Variants in NEDD4L observed in about 807,000 individuals in gnomAD.
NEDD4L encodes E3 ubiquitin-protein ligase NEDD4-like.
In NEDD4L, 54 loss-of-function variants were observed where a neutral mutation model predicts 148.9. The ratio of observed to expected loss-of-function variants is 0.36; its 90% CI spans 0.29 to 0.45. The LOEUF (loss-of-function observed/expected upper bound fraction) is 0.45. NEDD4L is among the 20% of genes least tolerant of loss of function. The pLI, the probability that NEDD4L is intolerant of heterozygous loss-of-function variation, is 1.00. For missense variants in NEDD4L, 856 were observed against 1,233.8 expected (o/e 0.69, Z 4.59); for synonymous variants, 433 against 440.7 (o/e 0.98, Z 0.22).
chr18:58,311,528 T>C (rs1189663774), intron 5 of NEDD4L, among the ~76,000 whole-genome samples: 1 of 152,180 alleles, frequency 6.6e-6, no homozygotes, highest in Admixed American at 6.5e-5. Flanking sequence ...ATACTTTTCT[T>C]CTGCACAGTC....
At chr18:58,259,372 A>G (rs964625877) in intron 5 of NEDD4L, among the ~76,000 whole-genome samples, 5 of 152,208 alleles carry the variant, frequency 3.3e-5, no homozygotes, top group African/African-American at 9.7e-5. Context: ...GAATTTACCA[A>G]TTCAGTCTGT....
In NEDD4L at chr18:58,323,229, C is replaced by T; in HGVS notation, c.411-3C>T. Reference sequence around the variant, plus strand: ...AACCAATTTTCTTCCATTATGTGTGCAGTCATAAGTCTCGAGTTAAGGGAT... The same window carrying T: ...AACCAATTTTCTTCCATTATGTGTGTAGTCATAAGTCTCGAGTTAAGGGAT... On this transcript the variant is annotated splice_region_variant and splice_polypyrimidine_tract_variant and intron_variant, in intron 7 of 30. Transcript: ENST00000400345. 1.3e-6 allele frequency: 2 copies of T among 1,564,722 alleles called. No individual in the cohort carries two copies. The highest frequency in any genetic ancestry group is 1.8e-6 in the Non-Finnish European group (2 of 1,140,450).
At chr18:58,298,712 C>T (rs1027792388) in intron 5 of NEDD4L, among the ~76,000 whole-genome samples, 1 of 152,120 alleles carries the variant, frequency 6.6e-6, no homozygotes, top group Non-Finnish European at 1.5e-5. Flanking sequence ...TGGTTCATTC[C>T]ATTGAGCACA....
chr18:58,064,026 G>A (rs1474733350), intron 1 of NEDD4L, among the ~76,000 whole-genome samples: 15 of 141,764 alleles, frequency 1.1e-4, no homozygotes, highest in Non-Finnish European at 1.4e-4. Context: ...GTGCAGTGGC[G>A]TGATCTCGGC....
At chr18:58,072,908 A>AG (rs2082956543) in intron 1 of NEDD4L, among the ~76,000 whole-genome samples, 1 of 151,236 alleles carries the variant, frequency 6.6e-6, no homozygotes, top group African/African-American at 2.4e-5. Context: ...ACACACACAA[A>AG]TCTTGAACTA....
chr18:58,296,592 C>T (rs1389914252), intron 5 of NEDD4L, among the ~76,000 whole-genome samples: 1 of 152,226 alleles, frequency 6.6e-6, no homozygotes, highest in Non-Finnish European at 1.5e-5. Context: ...CTTGCCTCCT[C>T]TGCTGTGTCA....
At chr18:58,352,303 T>G (rs1166766568) in intron 18 of NEDD4L, among the ~76,000 whole-genome samples, 2 of 152,210 alleles carry the variant, frequency 1.3e-5, no homozygotes, top group Admixed American at 1.3e-4. Context: ...TTTATTGTTT[T>G]AAGAGAATTT....
At chr18:58,296,588 T>G (rs182309798) in intron 5 of NEDD4L, among the ~76,000 whole-genome samples, 2 of 152,168 alleles carry the variant, frequency 1.3e-5, no homozygotes, top group Admixed American at 6.5e-5. Context: ...CTGCCTTGCC[T>G]CCTCTGCTGT....
chr18:58,080,700 G>A (rs1250028486), intron 1 of NEDD4L, among the ~76,000 whole-genome samples: 2 of 152,164 alleles, frequency 1.3e-5, no homozygotes, highest in Non-Finnish European at 2.9e-5. Context: ...GCGAGAGGGT[G>A]GTGTGTGTGT....
rs2085666169 is a variant in NEDD4L at position 58,114,689 on chromosome 18, G to A, written c.49-51099G>A. ...TATCTCATAGTCATAGTCCTGTAGG[G>A]TAGAGTCTAACATGGGCTAAACTCA... is the stretch of plus-strand genomic sequence containing the variant. On this transcript the variant is annotated intron_variant, in intron 1 of 30. Transcript: ENST00000400345. 2.0e-5 allele frequency among the ~76,000 whole-genome samples: 3 copies of A among 152,148 alleles called. No homozygotes were observed. The South Asian group carries it at 6.2e-4, about 32-fold the overall frequency.
chr18:58,331,707 A>T (rs768986295), intron 11 of NEDD4L, among the ~76,000 whole-genome samples: 17 of 152,362 alleles, frequency 1.1e-4, no homozygotes, highest in East Asian at 5.8e-4. Flanking sequence ...AAAAATGTAC[A>T]ATAGTAAATG....
At chr18:58,213,129 T>C (rs995111368) in intron 2 of NEDD4L, among the ~76,000 whole-genome samples, 1 of 140,690 alleles carries the variant, frequency 7.1e-6, no homozygotes, top group African/African-American at 2.9e-5. Flanking sequence ...ATAATACTGA[T>C]GGAAATGTGA....
intron 2 of NEDD4L, among the ~76,000 whole-genome samples, chr18:58,212,960 C>G (rs563038577): frequency 0.022 from 1,125 of 50,716 alleles, 14 homozygotes; most frequent in South Asian, 0.085. Flanking sequence ...ATGCAGACAG[C>G]TAGCTGGCAA....
At chr18:58,100,918 G>T (rs1018949410) in intron 1 of NEDD4L, among the ~76,000 whole-genome samples, 1 of 152,132 alleles carries the variant, frequency 6.6e-6, no homozygotes, top group Admixed American at 6.5e-5. Flanking sequence ...TGACCCTCTA[G>T]CCTTGGCCTC....
chr18:58,096,478 G>A (rs1043011292), intron 1 of NEDD4L, among the ~76,000 whole-genome samples: 6 of 151,142 alleles, frequency 4.0e-5, no homozygotes, highest in African/African-American at 1.2e-4. Flanking sequence ...GTCTTGGCTC[G>A]CTGCAACCTG....
intron 2 of NEDD4L, among the ~76,000 whole-genome samples, chr18:58,212,831 G>A (rs1476497780): frequency 1.3e-5 from 2 of 152,172 alleles, no homozygotes; most frequent in African/African-American, 2.4e-5. Context: ...CATAGATCAA[G>A]AAGGGATATT....
At chr18:58,138,068 C>A (rs1247298767) in intron 1 of NEDD4L, among the ~76,000 whole-genome samples, 2 of 152,180 alleles carry the variant, frequency 1.3e-5, no homozygotes, top group South Asian at 4.1e-4. Context: ...TCTCCTGCCG[C>A]CCCACTGAAG....
intron 18 of NEDD4L, 59 bp from the exon 19 acceptor site, chr18:58,357,135 A>G: frequency 6.9e-7 from 1 of 1,456,648 alleles, no homozygotes; most frequent in Non-Finnish European, 9.4e-7. Flanking sequence ...AACTTTCTTT[A>G]CATAGAATAG....
intron 1 of NEDD4L, chr18:58,149,509 T>C: frequency 6.4e-7 from 1 of 1,551,442 alleles, no homozygotes; most frequent in Non-Finnish European, 8.7e-7. Flanking sequence ...TTTAATGCAC[T>C]AAACCTTTAA....
Sources: gnomAD v4.1 joint callset for allele counts (sites outside exome capture counted in the v4.1 genomes callset) on GRCh38, gnomAD v4.1.1 for gene constraint, MANE v1.5 for transcripts, NCBI Gene and HGNC (gene_info 2026-07-23, HGNC 2026-07-21) for gene names.